LYPLAL1: variants seen among roughly 807,000 people sequenced by gnomAD.
The protein encoded by LYPLAL1 is lysophospholipase-like protein 1.
Under a neutral mutation model 19.7 loss-of-function variants are expected in LYPLAL1, and 23 were observed. That is an observed-to-expected ratio of 1.17 (90% CI 0.84 to 1.65). The LOEUF (loss-of-function observed/expected upper bound fraction) is 1.65, where lower values mean the gene tolerates loss of function less well. Ranked by LOEUF, LYPLAL1 falls within the 40% of genes most tolerant of loss-of-function variation. LYPLAL1 has a pLI of 0.00. For missense variants in LYPLAL1, 355 were observed against 279.4 expected, an observed-to-expected ratio of 1.27 and a Z score of -1.93; for synonymous variants, 119 against 96.3, an observed-to-expected ratio of 1.24 and a Z score of -1.38.
chr1:219,397,407 A>G, the LYPLAL1 span, among the ~76,000 whole-genome samples: 2 of 152,158 alleles, frequency 1.3e-5, no homozygotes. Context: ...GCTAGGTATC[A>G]GGGTGATGCT....
At chr1:219,174,423 A>G (rs1256216803) in intron 1 of LYPLAL1, 1 of 397,100 alleles carries the variant, frequency 2.5e-6, no homozygotes, top group Non-Finnish European at 3.5e-6. Flanking sequence ...GACAATTGAG[A>G]TTCACAGTTA....
At chr1:219,244,855 G>A in the LYPLAL1 span, among the ~76,000 whole-genome samples, 4 of 144,360 alleles carry the variant, frequency 2.8e-5, no homozygotes, top group Non-Finnish European at 6.0e-5. Context: ...GCTGAGGCAG[G>A]AGAATCGCTT....
chr1:219,440,379 A>G, the LYPLAL1 span, among the ~76,000 whole-genome samples: 1 of 152,130 alleles, frequency 6.6e-6, no homozygotes, highest in Non-Finnish European at 1.5e-5. Context: ...CCTAAATGCC[A>G]CTAAGAAATG....
chr1:219,249,146 TAC>T, the LYPLAL1 span, among the ~76,000 whole-genome samples: 1 of 152,004 alleles, frequency 6.6e-6, no homozygotes, highest in Non-Finnish European at 1.5e-5. Flanking sequence ...ATCAGTGACT[TAC>T]ATATACTCTC....
chr1:219,275,748 T>C, the LYPLAL1 span, among the ~76,000 whole-genome samples: 1 of 152,028 alleles, frequency 6.6e-6, no homozygotes, highest in South Asian at 2.1e-4. Flanking sequence ...AAATATAATA[T>C]GTAAATATAT....
intron 2 of LYPLAL1, among the ~76,000 whole-genome samples, chr1:219,188,719 T>C (rs1215920409): frequency 1.3e-5 from 2 of 151,320 alleles, no homozygotes; most frequent in East Asian, 1.9e-4. Flanking sequence ...TTATTCTAGC[T>C]TAATATTTTA....
the LYPLAL1 span, among the ~76,000 whole-genome samples, chr1:219,318,433 T>G: frequency 6.8e-6 from 1 of 146,404 alleles, no homozygotes; most frequent in Admixed American, 6.8e-5. Context: ...ACATTGCAAC[T>G]TGAATTGCCT....
the LYPLAL1 span, among the ~76,000 whole-genome samples, chr1:219,337,825 G>A: frequency 1.3e-5 from 2 of 151,966 alleles, no homozygotes; most frequent in South Asian, 4.1e-4. Flanking sequence ...ACAGCTTATG[G>A]CCTGCAGAAT....
At chr1:219,217,134 A>G (rs1360021463), downstream of LYPLAL1, among the ~76,000 whole-genome samples, 1 of 152,106 alleles carries the variant, frequency 6.6e-6, no homozygotes, top group Non-Finnish European at 1.5e-5. Flanking sequence ...TGAATGTTTT[A>G]TCTTGACCAT....
chr1:219,229,392 G>GA, the LYPLAL1 span, among the ~76,000 whole-genome samples: 1 of 150,098 alleles, frequency 6.7e-6, no homozygotes, highest in Non-Finnish European at 1.5e-5. Flanking sequence ...GGCAATTGGA[G>GA]GAAGGACAGG....
the LYPLAL1 span, among the ~76,000 whole-genome samples, chr1:219,304,790 C>T: frequency 4.6e-5 from 7 of 152,178 alleles, no homozygotes; most frequent in African/African-American, 1.7e-4. Flanking sequence ...AAGTCGTCTA[C>T]ACAGATCTCT....
At chr1:219,250,292 G>T in the LYPLAL1 span, among the ~76,000 whole-genome samples, 2 of 151,750 alleles carry the variant, frequency 1.3e-5, no homozygotes, top group African/African-American at 4.8e-5. Flanking sequence ...CTACCACACT[G>T]CCCTGTTACC....
chr1:219,331,419 G>A, the LYPLAL1 span, among the ~76,000 whole-genome samples: 2 of 152,118 alleles, frequency 1.3e-5, no homozygotes, highest in African/African-American at 4.8e-5. Context: ...TCTTCACTAA[G>A]CAATGCTCCG....
the LYPLAL1 span, among the ~76,000 whole-genome samples, chr1:219,384,304 A>G: frequency 6.6e-6 from 1 of 152,244 alleles, no homozygotes; most frequent in Admixed American, 6.5e-5. Context: ...TACTCTTGCC[A>G]GTTTTTAAAA....
At chr1:219,239,949 G>A in the LYPLAL1 span, among the ~76,000 whole-genome samples, 1 of 152,184 alleles carries the variant, frequency 6.6e-6, no homozygotes. Context: ...TTTACCTAGG[G>A]TGAAGAAAAG....
chr1:219,204,965 C>T (rs903219756), intron 3 of LYPLAL1, among the ~76,000 whole-genome samples: 8 of 152,150 alleles, frequency 5.3e-5, no homozygotes, highest in African/African-American at 1.4e-4. Context: ...CAGAGAGAAT[C>T]AAGTCTTTCT....
At chr1:219,328,618 G>T in the LYPLAL1 span, among the ~76,000 whole-genome samples, 8 of 151,956 alleles carry the variant, frequency 5.3e-5, no homozygotes, top group East Asian at 1.2e-3. Flanking sequence ...ATATACACAC[G>T]CTCACAAATG....
rs570405335 is a variant in LYPLAL1 at position 219,212,795 on chromosome 1, A to C, written c.*1067A>C. The C allele has an allele frequency of 6.6e-6, 1 of 152,010 alleles. No individual in the cohort carries two copies. Among genetic ancestry groups the C allele is most frequent in the Non-Finnish European group, 1.5e-5 (1 of 67,920 alleles). The allele number at this position is 152,010 out of a possible 1,614,324, so 9.4% of individuals were successfully genotyped here. ...TGTATCACTATTTGTTTACACATTC[A>C]CCACTGATATATAAGTTGCTTCCAG... On this transcript the variant is annotated 3_prime_UTR_variant, in exon 5 of 5. Transcript: ENST00000366928.
At chr1:219,323,610 C>T in the LYPLAL1 span, among the ~76,000 whole-genome samples, 2 of 152,120 alleles carry the variant, frequency 1.3e-5, no homozygotes, top group Admixed American at 6.6e-5. Flanking sequence ...CCAAATGAAA[C>T]ATGTACCAAA....
Sources: gnomAD v4.1 joint callset for allele counts (sites outside exome capture counted in the v4.1 genomes callset) on GRCh38, gnomAD v4.1.1 for gene constraint, MANE v1.5 for transcripts, NCBI Gene and HGNC (gene_info 2026-07-23, HGNC 2026-07-21) for gene names.